Variants in MAGI2 observed in about 807,000 individuals in gnomAD.
MAGI2 encodes membrane-associated guanylate kinase, WW and PDZ domain-containing protein 2.
MAGI2 carries 35 observed loss-of-function variants against 133.3 expected under a neutral mutation model. The observed-to-expected ratio is 0.26, with a 90% CI of 0.20 to 0.35. MAGI2 has a LOEUF of 0.35. MAGI2 is among the 10% of genes least tolerant of loss of function. The probability of loss-of-function intolerance (pLI) is 1.00; values close to 1 mark genes in which losing one functional copy is unlikely to be tolerated. For synonymous variants in MAGI2, 729 were observed against 710.6 expected, an observed-to-expected ratio of 1.03 and a Z score of -0.41; for missense variants, 1,636 against 1,863.4, an observed-to-expected ratio of 0.88 and a Z score of 2.25.
At chr7:78,713,136 A>C (rs1819364351) in intron 2 of MAGI2, among the ~76,000 whole-genome samples, 1 of 152,190 alleles carries the variant, frequency 6.6e-6, no homozygotes, top group Non-Finnish European at 1.5e-5. Context: ...TTATTTTATA[A>C]ACGTGAAATG....
chr7:78,288,256 G>A (rs1001840252), intron 9 of MAGI2, among the ~76,000 whole-genome samples: 2 of 152,070 alleles, frequency 1.3e-5, no homozygotes, highest in African/African-American at 4.8e-5. Context: ...ACATGACAAT[G>A]TAATAATAAG....
At chr7:79,118,442 T>A (rs1425601714) in intron 1 of MAGI2, among the ~76,000 whole-genome samples, 1 of 152,292 alleles carries the variant, frequency 6.6e-6, no homozygotes. Context: ...GCAATCAACA[T>A]AGAGCTAAAC....
At chr7:78,289,770 C>G (rs963720937) in intron 9 of MAGI2, among the ~76,000 whole-genome samples, 5 of 152,180 alleles carry the variant, frequency 3.3e-5, no homozygotes, top group Admixed American at 2.6e-4. Flanking sequence ...TGCAGAAACC[C>G]TACAAGCCAG....
Position 78,767,777 on chromosome 7 carries a change from C to A in MAGI2, c.419-140538G>T, listed in dbSNP as rs952670301. ...TCCTTTACGTGCCACAGGCATCTTA[C>A]GAATAACTAATTTATTCTTGGGAAA... is the stretch of plus-strand genomic sequence containing the variant. On this transcript the variant is annotated intron_variant, in intron 2 of 21. Transcript: ENST00000354212. Among the ~76,000 whole-genome samples, 5 of 152,154 alleles carry A rather than the reference C, an allele frequency of 3.3e-5. No individual in the cohort carries two copies. In the East Asian group the frequency reaches 5.8e-4, roughly 18 times the overall value.
intron 1 of MAGI2, among the ~76,000 whole-genome samples, chr7:79,339,459 TTTTTG>T (rs1840723193): frequency 8.8e-6 from 1 of 114,030 alleles, no homozygotes; most frequent in African/African-American, 4.9e-5. Flanking sequence ...TTTGTTTTTG[TTTTTG>T]TTTTTTTTTT....
chr7:79,374,334 A>ACC (rs1843242066), intron 1 of MAGI2, among the ~76,000 whole-genome samples: 1 of 151,582 alleles, frequency 6.6e-6, no homozygotes, highest in African/African-American at 2.4e-5. Flanking sequence ...ACACAAACAC[A>ACC]CACACACACA....
At chr7:78,824,435 T>C (rs1284278075) in intron 2 of MAGI2, among the ~76,000 whole-genome samples, 1 of 152,162 alleles carries the variant, frequency 6.6e-6, no homozygotes, top group African/African-American at 2.4e-5. Flanking sequence ...CTCACCAACA[T>C]CTGTTCTTTC....
intron 1 of MAGI2, among the ~76,000 whole-genome samples, chr7:79,418,659 G>T (rs1352772133): frequency 2.0e-5 from 3 of 151,818 alleles, no homozygotes; most frequent in African/African-American, 7.3e-5. Context: ...GAAGAAGGCT[G>T]ACTAGAACAA....
intron 2 of MAGI2, among the ~76,000 whole-genome samples, chr7:78,920,966 A>T (rs1331590168): frequency 1.3e-5 from 2 of 152,228 alleles, no homozygotes; most frequent in Non-Finnish European, 2.9e-5. Flanking sequence ...GTACCTGAAC[A>T]GCAAGAGGCT....
At chr7:79,219,443 C>T (rs1830274819) in intron 1 of MAGI2, among the ~76,000 whole-genome samples, 2 of 151,976 alleles carry the variant, frequency 1.3e-5, no homozygotes, top group Admixed American at 6.6e-5. Flanking sequence ...ATTTAGCTTT[C>T]CTCTACTTCA....
At chr7:79,036,883 T>C (rs1291429789) in intron 1 of MAGI2, among the ~76,000 whole-genome samples, 1 of 152,320 alleles carries the variant, frequency 6.6e-6, no homozygotes, top group East Asian at 1.9e-4. Context: ...TTTTAACAAA[T>C]TGAGCAGTTT....
At chr7:78,427,609 T>C (rs536150001) in intron 6 of MAGI2, among the ~76,000 whole-genome samples, 1 of 140,716 alleles carries the variant, frequency 7.1e-6, no homozygotes, top group African/African-American at 2.7e-5. Flanking sequence ...TGTATAATCA[T>C]AGTGAAAGAT....
At chr7:78,909,193 G>T (rs968138189) in intron 2 of MAGI2, among the ~76,000 whole-genome samples, 1 of 151,386 alleles carries the variant, frequency 6.6e-6, no homozygotes, top group African/African-American at 2.4e-5. Context: ...CATTTATGCG[G>T]CCAACAAACA....
intron 5 of MAGI2, among the ~76,000 whole-genome samples, chr7:78,500,205 A>G (rs1372959570): frequency 6.6e-6 from 1 of 152,230 alleles, no homozygotes; most frequent in African/African-American, 2.4e-5. Flanking sequence ...AGAATTAAAT[A>G]TTGGTATGTG....
intron 2 of MAGI2, among the ~76,000 whole-genome samples, chr7:78,947,999 A>G (rs1195061830): frequency 6.6e-6 from 1 of 152,108 alleles, no homozygotes; most frequent in East Asian, 1.9e-4. Context: ...TTTGATGGAA[A>G]TATGGAATAA....
intron 1 of MAGI2, among the ~76,000 whole-genome samples, chr7:79,254,037 A>G (rs2129555885): frequency 6.6e-6 from 1 of 152,288 alleles, no homozygotes; most frequent in Admixed American, 6.5e-5. Context: ...TTAACAGTGT[A>G]TAAACATACT....
At chr7:79,168,885 GAT>G (rs752134999) in intron 1 of MAGI2, among the ~76,000 whole-genome samples, 2 of 138,838 alleles carry the variant, frequency 1.4e-5, no homozygotes, top group African/African-American at 2.9e-5. Flanking sequence ...TCTTTCTAAA[GAT>G]AGATATATAT....
chr7:79,252,729 A>G (rs1035744409), intron 1 of MAGI2, among the ~76,000 whole-genome samples: 1 of 152,202 alleles, frequency 6.6e-6, no homozygotes, highest in Non-Finnish European at 1.5e-5. Flanking sequence ...ATAAATAAAT[A>G]TACCTACTAT....
intron 1 of MAGI2, among the ~76,000 whole-genome samples, chr7:79,258,199 T>C (rs1304794506): frequency 6.6e-6 from 1 of 152,186 alleles, no homozygotes; most frequent in Admixed American, 6.5e-5. Flanking sequence ...GAGCTCCTCC[T>C]CTGACAGGAG....
Sources: gnomAD v4.1 joint callset for allele counts (sites outside exome capture counted in the v4.1 genomes callset) on GRCh38, gnomAD v4.1.1 for gene constraint, MANE v1.5 for transcripts, NCBI Gene and HGNC (gene_info 2026-07-23, HGNC 2026-07-21) for gene names.